Variants in RBMS3 observed in about 807,000 individuals in gnomAD.
The protein encoded by RBMS3 is RNA-binding motif, single-stranded-interacting protein 3.
In RBMS3, 27 loss-of-function variants were observed where a neutral mutation model predicts 66.8. That is an observed-to-expected ratio of 0.40 (90% confidence interval 0.30 to 0.56). The LOEUF is 0.56. RBMS3 is among the 20% of genes least tolerant of loss of function. RBMS3 has a pLI of 0.40. For missense variants in RBMS3, 513 were observed against 549.5 expected, an observed-to-expected ratio of 0.93 and a Z score of 0.66; for synonymous variants, 188 against 183.0, an observed-to-expected ratio of 1.03 and a Z score of -0.22.
At chr3:29,899,807 C>T in intron 10 of RBMS3, 52 bp downstream of exon 10, 1 of 1,551,176 alleles carries the variant, frequency 6.4e-7, no homozygotes. Flanking sequence ...CAAGTACAAG[C>T]TTTTGGAATG....
At chr3:29,814,681 G>A (rs557786325) in intron 6 of RBMS3, among the ~76,000 whole-genome samples, 35 of 152,166 alleles carry the variant, frequency 2.3e-4, no homozygotes, top group Non-Finnish European at 4.7e-4. Context: ...TCTATTCAGA[G>A]ATTCAACTTC....
chr3:29,855,685 A>G (rs770955403), intron 6 of RBMS3, among the ~76,000 whole-genome samples: 20 of 152,340 alleles, frequency 1.3e-4, no homozygotes, highest in Admixed American at 2.6e-4. Flanking sequence ...TTATGCAGAT[A>G]TTTTAAAAGC....
intron 2 of RBMS3, among the ~76,000 whole-genome samples, chr3:29,473,115 G>C (rs62236893): frequency 3.4e-5 from 5 of 146,742 alleles, no homozygotes; most frequent in Admixed American, 6.9e-5. Flanking sequence ...GAGCTAGATA[G>C]AGAGTGCCGA....
chr3:29,305,476 G>A lies in RBMS3; in HGVS notation c.75+23720G>A, dbSNP rs537635887. 8.0e-4 allele frequency among the ~76,000 whole-genome samples: 122 copies of A among 151,964 alleles called. 1 individual carries two copies. Among genetic ancestry groups the A allele is most frequent in the Non-Finnish European group, 1.4e-3 (93 of 67,898 alleles). On this transcript the variant is annotated intron_variant, in intron 1 of 14. Coordinates refer to ENST00000383767, the MANE Select transcript of RBMS3 (RefSeq NM_001003793.3). ...GAGTGAATAACCAGCTGCCCCTCAG[G>A]TTTATGCCTAGACCTGGTTCTGTTC...
chr3:29,527,828 G>A (rs1559440200), intron 3 of RBMS3, among the ~76,000 whole-genome samples: 1 of 134,180 alleles, frequency 7.5e-6, no homozygotes, highest in African/African-American at 2.9e-5. Flanking sequence ...GGTGTGTGAT[G>A]TTCCCCTTCC....
chr3:29,717,114 T>C (rs568940585), intron 4 of RBMS3, among the ~76,000 whole-genome samples: 6 of 151,912 alleles, frequency 3.9e-5, no homozygotes, highest in South Asian at 2.1e-4. Flanking sequence ...TTGAGGTAGA[T>C]CCTTTACCCG....
At chr3:29,776,771 G>A (rs894875914) in intron 6 of RBMS3, among the ~76,000 whole-genome samples, 1 of 151,834 alleles carries the variant, frequency 6.6e-6, no homozygotes, top group Non-Finnish European at 1.5e-5. Flanking sequence ...GGTACATGGG[G>A]TATATAAGGT....
intron 4 of RBMS3, among the ~76,000 whole-genome samples, chr3:29,691,947 C>CTTTTTTTTTTTTTTTTTTTTT (rs1218393454): frequency 1.9e-5 from 1 of 53,548 alleles, no homozygotes; most frequent in African/African-American, 7.5e-5. Flanking sequence ...CTCTCTCTCT[C>CTTTTTTTTTTTTTTTTTTTTT]TATTTTTTTT....
At chr3:29,961,939 A>G (rs935014067) in intron 12 of RBMS3, among the ~76,000 whole-genome samples, 3 of 149,010 alleles carry the variant, frequency 2.0e-5, no homozygotes, top group Non-Finnish European at 4.4e-5. Context: ...TTTATCAGTC[A>G]AACTCCTTCC....
At chr3:29,698,472 T>C in intron 4 of RBMS3, 1 of 985,442 alleles carries the variant, frequency 1.0e-6, no homozygotes. Context: ...GGAGGAATCT[T>C]GACTTCTCAG....
At chr3:29,344,404 A>C (rs1459981060) in intron 1 of RBMS3, among the ~76,000 whole-genome samples, 1 of 152,180 alleles carries the variant, frequency 6.6e-6, no homozygotes, top group Non-Finnish European at 1.5e-5. Context: ...CAAAAAACGT[A>C]GTATTTCTCT....
chr3:29,544,699 A>ATGTGTGTGTGTG (rs138879910), intron 3 of RBMS3, among the ~76,000 whole-genome samples: 15,300 of 150,690 alleles, frequency 0.1, 1,583 homozygotes, highest in East Asian at 0.31. Flanking sequence ...TGAAATGTAA[A>ATGTGTGTGTGTG]TGTGTGTGTG....
intron 3 of RBMS3, among the ~76,000 whole-genome samples, chr3:29,528,356 G>C (rs1241026735): frequency 6.6e-6 from 1 of 151,786 alleles, no homozygotes; most frequent in Non-Finnish European, 1.5e-5. Context: ...CAAGTGATCT[G>C]CCTGCCTTGG....
rs986897459 is a variant in RBMS3, at chr3:29,919,742, C to G, written c.940-16344C>G. Among the ~76,000 whole-genome samples, 62 of 152,302 alleles carry G rather than the reference C, an allele frequency of 4.1e-4. 1 individual carries two copies. The highest frequency in any genetic ancestry group is 1.4e-3 in the African/African-American group (60 of 41,574). On this transcript the variant is annotated intron_variant, in intron 10 of 14. Coordinates refer to ENST00000383767, the MANE Select transcript of RBMS3 (RefSeq NM_001003793.3). The stretch of plus-strand genomic sequence containing the variant: ...GGGCAGGAATTCTAGCTGCGGATTC[C>G]ATTTCCCTGTAAAATTATGCAGCCC...
chr3:29,676,714 T>C (rs2051272608), intron 4 of RBMS3, among the ~76,000 whole-genome samples: 1 of 152,206 alleles, frequency 6.6e-6, no homozygotes, highest in African/African-American at 2.4e-5. Context: ...AGAGAAATCA[T>C]ATGAGTGCTA....
chr3:29,701,960 C>A (rs183799731), intron 4 of RBMS3, among the ~76,000 whole-genome samples: 1 of 152,190 alleles, frequency 6.6e-6, no homozygotes, highest in South Asian at 2.1e-4. Flanking sequence ...GCTCTGCCCG[C>A]GGCCGTGGCG....
chr3:29,483,335 AAAAG>A (rs1193758385), intron 2 of RBMS3, among the ~76,000 whole-genome samples: 4 of 151,966 alleles, frequency 2.6e-5, no homozygotes, highest in Non-Finnish European at 4.4e-5. Flanking sequence ...AGAAAAAAGA[AAAAG>A]AAAGAAAGTT....
intron 2 of RBMS3, among the ~76,000 whole-genome samples, chr3:29,459,764 A>G (rs2042312116): frequency 1.3e-5 from 2 of 152,200 alleles, no homozygotes; most frequent in Admixed American, 6.5e-5. Flanking sequence ...TTTGCCTTAG[A>G]TGCACTTCTG....
intron 1 of RBMS3, among the ~76,000 whole-genome samples, chr3:29,309,807 A>T (rs2034261139): frequency 6.6e-6 from 1 of 151,686 alleles, no homozygotes; most frequent in East Asian, 1.9e-4. Context: ...GTCATTGTTG[A>T]TCTTCAGGAA....
Sources: gnomAD v4.1 joint callset for allele counts (sites outside exome capture counted in the v4.1 genomes callset) on GRCh38, gnomAD v4.1.1 for gene constraint, MANE v1.5 for transcripts, NCBI Gene and HGNC (gene_info 2026-07-23, HGNC 2026-07-21) for gene names.